The following TOPBP1 variants were observed in gnomAD, a reference collection of about 807,000 sequenced individuals.
TOPBP1 encodes DNA topoisomerase 2-binding protein 1.
Under a neutral mutation model 167.7 loss-of-function variants are expected in TOPBP1, and 28 were observed. The observed-to-expected ratio is 0.17, with a 90% CI of 0.12 to 0.23. The LOEUF is 0.23. Ranked by LOEUF, TOPBP1 falls within the 10% of genes least tolerant of loss-of-function variation. The pLI, the probability that TOPBP1 is intolerant of heterozygous loss-of-function variation, is 1.00. For missense variants in TOPBP1, 1,554 were observed against 1,809.6 expected, an observed-to-expected ratio of 0.86 and a Z score of 2.56; for synonymous variants, 598 against 611.4, an observed-to-expected ratio of 0.98 and a Z score of 0.32.
intron 16 of TOPBP1, among the ~76,000 whole-genome samples, chr3:133,627,051 T>G (rs1164886956): frequency 6.6e-6 from 1 of 152,230 alleles, no homozygotes; most frequent in Non-Finnish European, 1.5e-5. Context: ...ACTGCTTTAC[T>G]CTATGCATAT....
intron 27 of TOPBP1, among the ~76,000 whole-genome samples, chr3:133,603,049 C>T (rs536573125): frequency 2.0e-5 from 3 of 152,068 alleles, no homozygotes; most frequent in East Asian, 1.9e-4. Flanking sequence ...GTGTGCGCCA[C>T]GACACCCAGC....
At chr3:133,612,642 T>C in intron 23 of TOPBP1, 90 bp from the exon 24 acceptor site, 3 of 1,266,574 alleles carry the variant, frequency 2.4e-6, no homozygotes, top group Non-Finnish European at 2.1e-6. Context: ...AAATTATTTA[T>C]AAATAAAATG....
chr3:133,646,308 G>GA (rs1936072697), intron 10 of TOPBP1, among the ~76,000 whole-genome samples: 1 of 152,016 alleles, frequency 6.6e-6, no homozygotes, highest in African/African-American at 2.4e-5. Context: ...GAAGGTTTAA[G>GA]AAACTAATCA....
At chr3:133,648,462 T>C (rs1936158272) in intron 10 of TOPBP1, among the ~76,000 whole-genome samples, 1 of 152,166 alleles carries the variant, frequency 6.6e-6, no homozygotes, top group South Asian at 2.1e-4. Context: ...AAGCTGAGTA[T>C]GTTGATGAGT....
chr3:133,644,406 T>C (rs775833343), intron 10 of TOPBP1, 43 bp from the exon 11 acceptor site: 11 of 1,468,348 alleles, frequency 7.5e-6, no homozygotes, highest in African/African-American at 1.4e-5. Context: ...CAATTTACCT[T>C]ATACAGTTTA....
chr3:133,640,075 T>G lies in TOPBP1; in HGVS notation c.2117A>C (p.Glu706Ala), dbSNP rs1935843297. 6.2e-7 allele frequency: 1 copy of G among 1,613,776 alleles called. No homozygotes were observed. The highest frequency in any genetic ancestry group is 1.3e-5 in the African/African-American group (1 of 74,930). ...AGGTAAATTCCACTTCTTTGCAGCTTCATATTTAGAGCCACCACGTTCTTT... is the reference window on the plus strand; with the variant it reads ...AGGTAAATTCCACTTCTTTGCAGCTGCATATTTAGAGCCACCACGTTCTTT... Reference protein sequence around the residue: ...ILKERGGSKYEAAKKWNLPAV... With the variant: ...ILKERGGSKYAAAKKWNLPAV... The change falls in exon 13 of 28, where the codon GAA becomes GCA. Residue 706 changes from glutamate (E) to alanine (A), a missense_variant. By Grantham distance (107) the Glu-to-Ala change is moderately radical. This residue lies in a region of TOPBP1 where 1,197 missense variants were observed against 1,351.5 expected (regional missense o/e 0.89). Coordinates refer to ENST00000260810, the MANE Select transcript of TOPBP1 (RefSeq NM_007027.4).
intron 16 of TOPBP1, among the ~76,000 whole-genome samples, chr3:133,626,394 T>C (rs1261470101): frequency 1.3e-5 from 2 of 152,208 alleles, no homozygotes; most frequent in Admixed American, 6.5e-5. Context: ...TACAGGATGC[T>C]GGAAATTCTG....
At chr3:133,652,703 T>G (rs756038622) in intron 7 of TOPBP1, 74 bp from the exon 8 acceptor site, 60 of 1,305,846 alleles carry the variant, frequency 4.6e-5, no homozygotes, top group Non-Finnish European at 6.3e-5. Flanking sequence ...TGGATTAACT[T>G]TTCTTACAAA....
intron 4 of TOPBP1, among the ~76,000 whole-genome samples, 197 bp from the exon 5 acceptor site, chr3:133,657,054 A>G (rs1336520608): frequency 5.3e-5 from 8 of 152,038 alleles, no homozygotes; most frequent in African/African-American, 9.7e-5. Flanking sequence ...TTATTTTCCT[A>G]TATTTATCCC....
intron 21 of TOPBP1, 171 bp from the exon 22 acceptor site, chr3:133,617,497 C>T: frequency 1.8e-6 from 1 of 553,234 alleles, no homozygotes; most frequent in Non-Finnish European, 2.9e-6. Flanking sequence ...TAAATGCATC[C>T]CATCTGCATG....
Position 133,655,180 on chromosome 3 carries a change from G to A in TOPBP1, c.742+110C>T, listed in dbSNP as rs542099997. On this transcript the variant is annotated intron_variant, in intron 6 of 27. Transcript: ENST00000260810. The stretch of plus-strand genomic sequence containing the variant: ...AGATTGTGCCACTGCCCTCCAGCCT[G>A]GGCAATAGAGCAAGACTCTGTCTCA... 235 of 658,816 alleles carry A rather than the reference G, an allele frequency of 3.6e-4. 3 individuals are homozygous for A. The highest frequency in any genetic ancestry group is 2.4e-3 in the Middle Eastern group (4 of 1,666). 40.8% of individuals were successfully genotyped at this position (658,816 alleles called of 1,614,324 possible). A position where few individuals can be genotyped will look rare whatever the true frequency, so the allele number is the denominator to read the frequency against.
chr3:133,636,810 C>G (rs1935694619), intron 14 of TOPBP1, among the ~76,000 whole-genome samples: 1 of 152,134 alleles, frequency 6.6e-6, no homozygotes, highest in South Asian at 2.1e-4. Flanking sequence ...AAAGAAGAGG[C>G]TTGATCCTAC....
chr3:133,618,425 C>A lies in TOPBP1; in HGVS notation c.3380G>T (p.Arg1127Leu). Residue 1127 changes from arginine (R) to leucine (L), a missense_variant, in exon 21 of 28, where the codon CGT (arginine) becomes CTT (leucine). Physicochemically the swap from Arg to Leu is moderately radical, Grantham distance 102 (BLOSUM62 -2). Coordinates refer to ENST00000260810, the MANE Select transcript of TOPBP1 (RefSeq NM_007027.4). ...SRVLEALRQSRQTVPDVNTEP... is the reference protein window; with the variant it reads ...SRVLEALRQSLQTVPDVNTEP... The stretch of plus-strand genomic sequence containing the variant: ...TGTGTTGACATCAGGTACTGTCTGA[C>A]GAGACTGCCTAAGGAATAGAAGTGA... 1 of 1,613,398 alleles carries A rather than the reference C, an allele frequency of 6.2e-7. No individual in the cohort carries two copies. The highest frequency in any genetic ancestry group is 8.5e-7 in the Non-Finnish European group (1 of 1,179,476).
chr3:133,627,297 A>C (rs1038082297), intron 16 of TOPBP1, among the ~76,000 whole-genome samples: 11 of 152,230 alleles, frequency 7.2e-5, no homozygotes, highest in African/African-American at 2.7e-4. Context: ...AAAACAGAAT[A>C]AACAAGGAAA....
At chr3:133,621,321 G>A (rs914116989) in intron 19 of TOPBP1, among the ~76,000 whole-genome samples, 3 of 151,980 alleles carry the variant, frequency 2.0e-5, no homozygotes, top group Admixed American at 1.3e-4. Context: ...ACTCCCCAAA[G>A]GCTCTTGAAA....
chr3:133,633,498 C>G (rs951623080), intron 14 of TOPBP1, among the ~76,000 whole-genome samples: 5 of 152,138 alleles, frequency 3.3e-5, no homozygotes, highest in Admixed American at 3.3e-4. Context: ...TTGCTTAGAG[C>G]TCTTTTCTTT....
At chr3:133,632,501 C>A (rs1218181938) in intron 14 of TOPBP1, among the ~76,000 whole-genome samples, 1 of 152,166 alleles carries the variant, frequency 6.6e-6, no homozygotes, top group Non-Finnish European at 1.5e-5. Flanking sequence ...TAGATCTTGA[C>A]AATGTTTAAA....
intron 27 of TOPBP1, 147 bp downstream of exon 27, chr3:133,608,388 T>A (rs956632030): frequency 2.4e-6 from 2 of 830,916 alleles, no homozygotes; most frequent in African/African-American, 3.4e-5. Context: ...ACAAATAGAA[T>A]AAAACTGAAA....
At chr3:133,630,297 G>A (rs180812762) in intron 14 of TOPBP1, among the ~76,000 whole-genome samples, 26 of 147,006 alleles carry the variant, frequency 1.8e-4, no homozygotes, top group Non-Finnish European at 3.8e-4. Flanking sequence ...TTTTTGCCAT[G>A]GAGCTTTTTT....
Sources: allele counts gnomAD v4.1 joint callset (sites outside exome capture counted in the v4.1 genomes callset), GRCh38; gene constraint gnomAD v4.1.1; regional missense constraint gnomAD v4.1.1; transcripts MANE v1.5; gene names NCBI Gene and HGNC (gene_info 2026-07-23, HGNC 2026-07-21).